GPC5: variants seen among roughly 807,000 people sequenced by gnomAD.
The protein encoded by GPC5 is glypican-5.
Under a neutral mutation model 53.9 loss-of-function variants are expected in GPC5, and 47 were observed. That is an observed-to-expected ratio of 0.87 (90% CI 0.69 to 1.11). GPC5 has a LOEUF of 1.11. GPC5 is among the 50% of genes most tolerant of loss of function. GPC5 has a pLI of 0.00. For synonymous variants in GPC5, 286 were observed against 263.3 expected (o/e 1.09, Z -0.84); for missense variants, 748 against 713.1 (o/e 1.05, Z -0.56).
At chr13:91,876,942 T>G (rs1657948482) in intron 5 of GPC5, among the ~76,000 whole-genome samples, 1 of 152,174 alleles carries the variant, frequency 6.6e-6, no homozygotes, top group Non-Finnish European at 1.5e-5. Flanking sequence ...GCCCTGTGTC[T>G]CAGCCACTCC....
chr13:91,501,213 G>T (rs1566455118), intron 2 of GPC5, among the ~76,000 whole-genome samples: 1 of 148,634 alleles, frequency 6.7e-6, no homozygotes, highest in Non-Finnish European at 1.5e-5. Context: ...GCAACTTCTT[G>T]CAGGAAAGCT....
intron 7 of GPC5, among the ~76,000 whole-genome samples, chr13:92,468,852 C>T (rs1439804456): frequency 6.6e-6 from 1 of 152,094 alleles, no homozygotes. Flanking sequence ...TCCCTCTCCA[C>T]TTAGAAAAAC....
intron 7 of GPC5, among the ~76,000 whole-genome samples, chr13:92,385,672 C>CAT (rs1874653074): frequency 1.4e-5 from 2 of 142,012 alleles, no homozygotes; most frequent in South Asian, 4.3e-4. Flanking sequence ...TACATATATA[C>CAT]ATATATACAC....
At chr13:91,830,552 G>T (rs2038639067) in intron 5 of GPC5, among the ~76,000 whole-genome samples, 1 of 151,722 alleles carries the variant, frequency 6.6e-6, no homozygotes, top group African/African-American at 2.4e-5. Flanking sequence ...TATGTTCAGA[G>T]ATTGCAGTAA....
chr13:91,699,788 G>A (rs1457254573), intron 3 of GPC5, among the ~76,000 whole-genome samples: 1 of 152,174 alleles, frequency 6.6e-6, no homozygotes. Context: ...CTAACTCACA[G>A]TTCTATGTAG....
intron 7 of GPC5, among the ~76,000 whole-genome samples, chr13:92,268,458 T>C (rs1169313074): frequency 1.3e-5 from 2 of 152,034 alleles, no homozygotes; most frequent in African/African-American, 2.4e-5. Flanking sequence ...ATACTCTTAA[T>C]TCACTTCTGT....
intron 2 of GPC5, among the ~76,000 whole-genome samples, chr13:91,589,163 TC>T (rs1243137231): frequency 6.6e-6 from 1 of 151,618 alleles, no homozygotes; most frequent in Non-Finnish European, 1.5e-5. Context: ...CCTTGATAGC[TC>T]CTCACTGACT....
intron 6 of GPC5, among the ~76,000 whole-genome samples, chr13:92,046,240 T>C (rs1163815743): frequency 6.6e-6 from 1 of 152,224 alleles, no homozygotes; most frequent in Non-Finnish European, 1.5e-5. Flanking sequence ...GTCTCTTCTT[T>C]AAATTTAGTT....
At chr13:92,425,613 T>C (rs1009711276) in intron 7 of GPC5, among the ~76,000 whole-genome samples, 5 of 152,124 alleles carry the variant, frequency 3.3e-5, no homozygotes, top group African/African-American at 4.8e-5. Flanking sequence ...ACTCTTCTCC[T>C]GTTCAACCTT....
chr13:91,734,013 G>C (rs1033041289), intron 4 of GPC5, among the ~76,000 whole-genome samples: 1 of 152,078 alleles, frequency 6.6e-6, no homozygotes, highest in South Asian at 2.1e-4. Flanking sequence ...TCAATACCTG[G>C]TTTATTGAGA....
At chr13:91,847,840 A>C (rs1423616433) in intron 5 of GPC5, among the ~76,000 whole-genome samples, 1 of 152,122 alleles carries the variant, frequency 6.6e-6, no homozygotes, top group African/African-American at 2.4e-5. Flanking sequence ...TTTATTTTCA[A>C]AATACATACC....
intron 7 of GPC5, among the ~76,000 whole-genome samples, chr13:92,655,734 C>G (rs530414412): frequency 6.6e-6 from 1 of 152,190 alleles, no homozygotes; most frequent in African/African-American, 2.4e-5. Flanking sequence ...TGACAACAGA[C>G]CAGATGCTTC....
At chr13:91,703,391 T>C (rs983205466) in intron 3 of GPC5, among the ~76,000 whole-genome samples, 18 of 152,186 alleles carry the variant, frequency 1.2e-4, no homozygotes, top group Non-Finnish European at 5.9e-5. Context: ...TGAAAGAATA[T>C]TGAATTGTAT....
intron 2 of GPC5, among the ~76,000 whole-genome samples, chr13:91,551,734 T>G (rs1357967387): frequency 6.6e-6 from 1 of 152,118 alleles, no homozygotes; most frequent in Admixed American, 6.6e-5. Flanking sequence ...GTAGAACTTT[T>G]GAATTTGAAT....
chr13:91,563,662 G>T (rs571347314), intron 2 of GPC5, among the ~76,000 whole-genome samples: 1 of 152,158 alleles, frequency 6.6e-6, no homozygotes, highest in Non-Finnish European at 1.5e-5. Flanking sequence ...ACATACACAT[G>T]CTCTTTGATA....
intron 5 of GPC5, among the ~76,000 whole-genome samples, chr13:91,815,489 A>G (rs1368957738): frequency 2.6e-5 from 4 of 152,202 alleles, no homozygotes; most frequent in Non-Finnish European, 5.9e-5. Context: ...ATAGCATTGT[A>G]TCCACACACA....
chr13:92,506,715 G>T (rs954068231), intron 7 of GPC5, among the ~76,000 whole-genome samples: 2 of 152,138 alleles, frequency 1.3e-5, no homozygotes, highest in Non-Finnish European at 2.9e-5. Context: ...TCTACTTTGT[G>T]TCAAGGCTCC....
intron 7 of GPC5, among the ~76,000 whole-genome samples, chr13:92,442,203 T>G (rs1877602828): frequency 6.6e-6 from 1 of 152,176 alleles, no homozygotes; most frequent in African/African-American, 2.4e-5. Flanking sequence ...ACCCTAGCTA[T>G]CTATTGAAAA....
intron 7 of GPC5, among the ~76,000 whole-genome samples, chr13:92,728,892 G>T (rs1888722036): frequency 6.6e-6 from 1 of 151,246 alleles, no homozygotes; most frequent in Non-Finnish European, 1.5e-5. Context: ...ACATTTAAAT[G>T]ACTTTAATCA....
Sources: gnomAD v4.1 joint callset for allele counts (sites outside exome capture counted in the v4.1 genomes callset) on GRCh38, gnomAD v4.1.1 for gene constraint, MANE v1.5 for transcripts, NCBI Gene and HGNC (gene_info 2026-07-23, HGNC 2026-07-21) for gene names.